NWD2: variants seen among roughly 807,000 people sequenced by gnomAD.
The protein encoded by NWD2 is NACHT and WD repeat domain containing 2.
Under a neutral mutation model 132.7 loss-of-function variants are expected in NWD2, and 37 were observed. That is an observed-to-expected ratio of 0.28 (90% CI 0.21 to 0.37). The LOEUF is 0.37. Ranked by LOEUF, NWD2 falls within the 10% of genes least tolerant of loss-of-function variation. The probability of loss-of-function intolerance (pLI) is 1.00; values close to 1 mark genes in which losing one functional copy is unlikely to be tolerated. For synonymous variants in NWD2, 705 were observed against 803.0 expected (o/e 0.88, Z 2.06); for missense variants, 1,592 against 2,122.4 (o/e 0.75, Z 4.91).
intron 3 of NWD2, among the ~76,000 whole-genome samples, chr4:37,386,888 A>G (rs774208525): frequency 4.7e-5 from 7 of 149,424 alleles, no homozygotes; most frequent in Non-Finnish European, 8.8e-5. Context: ...TCCGTGTGTC[A>G]TGTCTGTTTC....
rs562273762 is a variant in NWD2 at position 37,292,486 on chromosome 4, A to G, written c.152-33450A>G. On this transcript the variant is annotated intron_variant, in intron 1 of 6. Transcript: ENST00000309447. ...CTTGATCTTGGACTTCCCCGTTTCC[A>G]GAACTGTGAGAAATAAGTTTCTATT... Among the ~76,000 whole-genome samples the G allele has an allele frequency of 7.9e-5, 12 of 152,252 alleles. No individual in the cohort carries two copies. In the East Asian group the frequency reaches 2.1e-3, roughly 27 times the overall value.
At chr4:37,316,668 G>C (rs1304297) in intron 1 of NWD2, among the ~76,000 whole-genome samples, 78,368 of 151,798 alleles carry the variant, frequency 0.52, 20,568 homozygotes, top group African/African-American at 0.6. Context: ...TTTCCTTATT[G>C]TTTAAACATT....
At chr4:37,407,206 A>G (rs1721062319) in intron 3 of NWD2, among the ~76,000 whole-genome samples, 1 of 152,202 alleles carries the variant, frequency 6.6e-6, no homozygotes, top group Non-Finnish European at 1.5e-5. Context: ...CATTCTGCAC[A>G]TGTATCCCAG....
At chr4:37,408,781 CT>C (rs916062971) in intron 3 of NWD2, among the ~76,000 whole-genome samples, 1 of 152,306 alleles carries the variant, frequency 6.6e-6, no homozygotes, top group Non-Finnish European at 1.5e-5. Flanking sequence ...CAGGAGAGCT[CT>C]GGCTGGCATC....
At chr4:37,333,157 G>A (rs1243460595) in intron 2 of NWD2, among the ~76,000 whole-genome samples, 6 of 152,140 alleles carry the variant, frequency 3.9e-5, no homozygotes, top group Non-Finnish European at 1.5e-5. Context: ...CCAGGGCTGA[G>A]GACAACTTGC....
At chr4:37,338,632 T>A (rs1334327404) in intron 2 of NWD2, among the ~76,000 whole-genome samples, 2 of 152,252 alleles carry the variant, frequency 1.3e-5, no homozygotes, top group African/African-American at 4.8e-5. Flanking sequence ...ACATCAAAAT[T>A]GTATGTTAAA....
chr4:37,368,430 CAT>C (rs903517375), intron 3 of NWD2, among the ~76,000 whole-genome samples: 34 of 152,252 alleles, frequency 2.2e-4, no homozygotes, highest in African/African-American at 5.3e-4. Context: ...TAGTGCCTAT[CAT>C]ATGTAAAACT....
chr4:37,378,902 G>A lies in NWD2; in HGVS notation c.357+22420G>A, dbSNP rs571847025. ...TTGGGAACAAACATTTGTTTTGATA[G>A]TTTTACAAGTAGAAACTATAAAACT... On this transcript the variant is annotated intron_variant, in intron 3 of 6. Coordinates refer to ENST00000309447, the MANE Select transcript of NWD2 (RefSeq NM_001144990.2). Among the ~76,000 whole-genome samples, 4 of 152,280 alleles carry A rather than the reference G, an allele frequency of 2.6e-5. No homozygotes were observed. In the South Asian group the frequency reaches 6.2e-4, roughly 24 times the overall value.
At chr4:37,408,513 A>C (rs535473182) in intron 3 of NWD2, among the ~76,000 whole-genome samples, 1 of 152,206 alleles carries the variant, frequency 6.6e-6, no homozygotes, top group Non-Finnish European at 1.5e-5. Context: ...TCTGAAAAAA[A>C]GGCAGCAGAC....
intron 3 of NWD2, among the ~76,000 whole-genome samples, chr4:37,400,296 A>G (rs1175290120): frequency 6.6e-6 from 1 of 152,224 alleles, no homozygotes; most frequent in Non-Finnish European, 1.5e-5. Flanking sequence ...GGGAAAATAA[A>G]GAGAAATTAC....
intron 3 of NWD2, among the ~76,000 whole-genome samples, chr4:37,421,482 A>T (rs906220844): frequency 3.9e-5 from 6 of 152,222 alleles, no homozygotes; most frequent in Admixed American, 1.3e-4. Flanking sequence ...ATAAGTAAAA[A>T]GGAGAATTAT....
intron 3 of NWD2, among the ~76,000 whole-genome samples, chr4:37,394,031 T>A (rs1720730751): frequency 6.6e-6 from 1 of 152,214 alleles, no homozygotes; most frequent in Non-Finnish European, 1.5e-5. Context: ...AAACCTGCAG[T>A]GGGAATGTGG....
chr4:37,268,250 C>G (rs1449407118), intron 1 of NWD2, among the ~76,000 whole-genome samples: 1 of 151,914 alleles, frequency 6.6e-6, no homozygotes, highest in Non-Finnish European at 1.5e-5. Flanking sequence ...ATTATCTTCT[C>G]TCTCCTGGAG....
At chr4:37,370,418 G>T (rs113717549) in intron 3 of NWD2, among the ~76,000 whole-genome samples, 3 of 152,122 alleles carry the variant, frequency 2.0e-5, no homozygotes, top group African/African-American at 7.2e-5. Context: ...TTACACAAAT[G>T]GATTGACCGC....
chr4:37,281,551 C>T (rs570549814), intron 1 of NWD2, among the ~76,000 whole-genome samples: 6 of 152,058 alleles, frequency 3.9e-5, no homozygotes, highest in Admixed American at 1.3e-4. Context: ...CCCATCTCTC[C>T]GCTTAAGTAC....
intron 3 of NWD2, among the ~76,000 whole-genome samples, chr4:37,379,873 C>G (rs1468728779): frequency 6.6e-6 from 1 of 152,150 alleles, no homozygotes; most frequent in African/African-American, 2.4e-5. Flanking sequence ...CCATAGAATA[C>G]AACTGGAAGC....
intron 1 of NWD2, among the ~76,000 whole-genome samples, chr4:37,282,977 A>ACTGAAG (rs1314332238): frequency 6.6e-6 from 1 of 152,168 alleles, no homozygotes; most frequent in Non-Finnish European, 1.5e-5. Flanking sequence ...TACTGGGGAC[A>ACTGAAG]CTGAAGCTTA....
At chr4:37,306,908 C>T (rs939063476) in intron 1 of NWD2, among the ~76,000 whole-genome samples, 3 of 151,976 alleles carry the variant, frequency 2.0e-5, no homozygotes, top group African/African-American at 7.3e-5. Flanking sequence ...CCTGTATTCA[C>T]AGCTACTCGG....
chr4:37,385,782 T>A (rs938730918), intron 3 of NWD2, among the ~76,000 whole-genome samples: 2 of 152,158 alleles, frequency 1.3e-5, no homozygotes, highest in African/African-American at 4.8e-5. Context: ...CCTAATAGTA[T>A]GATAGAAATT....
Sources: gnomAD v4.1 joint callset for allele counts (sites outside exome capture counted in the v4.1 genomes callset) on GRCh38, gnomAD v4.1.1 for gene constraint, MANE v1.5 for transcripts, NCBI Gene and HGNC (gene_info 2026-07-23, HGNC 2026-07-21) for gene names.